The following APBB2 variants were observed in gnomAD, a reference collection of about 807,000 sequenced individuals.
The protein encoded by APBB2 is amyloid beta precursor protein binding family B member 2, also known as Fe65-like 1.
Under a neutral mutation model 82.5 loss-of-function variants are expected in APBB2, and 38 were observed. That is an observed-to-expected ratio of 0.46 (90% CI 0.36 to 0.60). The LOEUF (loss-of-function observed/expected upper bound fraction) is 0.60. Ranked by LOEUF, APBB2 falls within the 20% of genes least tolerant of loss-of-function variation. The pLI is 0.00. For missense variants in APBB2, 772 were observed against 972.3 expected, an observed-to-expected ratio of 0.79 and a Z score of 2.74; for synonymous variants, 341 against 368.2, an observed-to-expected ratio of 0.93 and a Z score of 0.85.
intron 3 of APBB2, among the ~76,000 whole-genome samples, chr4:41,080,370 A>G (rs1158344414): frequency 2.0e-5 from 3 of 152,236 alleles, no homozygotes; most frequent in African/African-American, 4.8e-5. Context: ...AAAGGGCTTC[A>G]TAAAGGAATC....
intron 1 of APBB2, among the ~76,000 whole-genome samples, chr4:41,198,208 C>T: frequency 3.9e-5 from 6 of 152,290 alleles, no homozygotes; most frequent in African/African-American, 1.2e-4. Flanking sequence ...AGGCTACACC[C>T]AGCTCTTGCC....
At chr4:40,964,474 G>A (rs1794103290) in intron 6 of APBB2, among the ~76,000 whole-genome samples, 1 of 151,872 alleles carries the variant, frequency 6.6e-6, no homozygotes, top group Admixed American at 6.6e-5. Flanking sequence ...TTCCCCAAAA[G>A]AAGTAAACGA....
At chr4:40,816,333 G>A in intron 17 of APBB2, 74 bp from the exon 18 acceptor site, 1 of 1,497,224 alleles carries the variant, frequency 6.7e-7, no homozygotes, top group Non-Finnish European at 9.2e-7. Context: ...TTTAAGTCAT[G>A]ACCCATAATA....
At chr4:40,979,181 G>T (rs537859573) in intron 6 of APBB2, among the ~76,000 whole-genome samples, 9 of 152,224 alleles carry the variant, frequency 5.9e-5, no homozygotes, top group Non-Finnish European at 1.0e-4. Context: ...TCTCAAAAAA[G>T]CTGTATAATA....
intron 12 of APBB2, among the ~76,000 whole-genome samples, chr4:40,858,208 TC>T (rs1466395238): frequency 6.6e-6 from 1 of 152,024 alleles, no homozygotes; most frequent in Non-Finnish European, 1.5e-5. Flanking sequence ...TAGCCACTAG[TC>T]ATATAAATAT....
At chr4:40,978,801 T>A (rs567583881) in intron 6 of APBB2, among the ~76,000 whole-genome samples, 1 of 152,178 alleles carries the variant, frequency 6.6e-6, no homozygotes, top group South Asian at 2.1e-4. Context: ...TCCATTTCAG[T>A]TAGTAACTAA....
At position 40,813,008 on chromosome 4, in the gene APBB2, C is replaced by A. The variant is rs887232840; in HGVS notation, c.*3084G>T. 5 of 152,172 alleles carry A rather than the reference C, an allele frequency of 3.3e-5. No homozygotes were observed. The highest frequency in any genetic ancestry group is 5.9e-5 in the Non-Finnish European group (4 of 68,032). The allele number at this position is 152,172 out of a possible 1,614,324, so 9.4% of individuals were successfully genotyped here. A position where few individuals can be genotyped will look rare whatever the true frequency, so the allele number is the denominator to read the frequency against. Reference sequence around the variant, plus strand: ...TTAGTCTGCAAAGGAAAGTTTTTAGCCATAGGCATGTTGGCTAGTCGTTCC... The same window carrying A: ...TTAGTCTGCAAAGGAAAGTTTTTAGACATAGGCATGTTGGCTAGTCGTTCC... On this transcript the variant is annotated 3_prime_UTR_variant, in exon 18 of 18. Transcript: ENST00000508593.
intron 12 of APBB2, among the ~76,000 whole-genome samples, chr4:40,862,305 T>C (rs1321951011): frequency 6.6e-6 from 1 of 152,254 alleles, no homozygotes; most frequent in East Asian, 1.9e-4. Flanking sequence ...AATACATAGA[T>C]ATGAATTTGA....
chr4:40,864,753 G>C (rs1763637105), intron 12 of APBB2, among the ~76,000 whole-genome samples: 1 of 151,836 alleles, frequency 6.6e-6, no homozygotes, highest in Admixed American at 6.6e-5. Flanking sequence ...CCACCCACCA[G>C]ATCTCTTCTT....
chr4:40,914,290 G>A (rs748410835), intron 10 of APBB2, among the ~76,000 whole-genome samples: 4 of 151,996 alleles, frequency 2.6e-5, no homozygotes, highest in Non-Finnish European at 2.9e-5. Context: ...GGAGAATGGC[G>A]TGAACCCGGG....
intron 6 of APBB2, among the ~76,000 whole-genome samples, chr4:41,008,715 G>A (rs185290758): frequency 1.2e-4 from 19 of 152,188 alleles, no homozygotes; most frequent in African/African-American, 3.6e-4. Flanking sequence ...AGATGCTCTC[G>A]CTTAATCTTC....
rs759482886 is a variant in APBB2, at chr4:40,822,039, T to C, written c.1944A>G (p.Glu648=). 6.2e-6 allele frequency: 10 copies of C among 1,614,026 alleles called. No homozygotes were observed. Among genetic ancestry groups the C allele is most frequent in the Non-Finnish European group, 8.5e-6 (10 of 1,180,028 alleles). ...ATCGCACACGACATTCCACTAAGAC[T>C]TCCTCTTCATTCTGCAAGAGACATT... is the stretch of plus-strand genomic sequence containing the variant. ...VTVISEKNEE[E]VLVECRVRFL... Residue 648 remains glutamate, a synonymous_variant, in exon 17 of 18, where the codon GAA becomes GAG. Transcript: ENST00000508593.
intron 12 of APBB2, chr4:40,857,136 C>G (rs748070): frequency 0.32 from 318,094 of 985,332 alleles, 51,614 homozygotes; most frequent in African/African-American, 0.4. Flanking sequence ...CAGCCGCGCG[C>G]ACTGCCCCGG....
At chr4:40,846,018 GTGT>G (rs1757499684) in intron 12 of APBB2, among the ~76,000 whole-genome samples, 423 of 3,212 alleles carry the variant, frequency 0.13, 6 homozygotes, top group African/African-American at 0.26. Flanking sequence ...TGAGTGGGGT[GTGT>G]GTGTGTGTGT....
chr4:40,812,616 T>C lies in APBB2; in HGVS notation c.*3476A>G, dbSNP rs1474738331. On this transcript the variant is annotated 3_prime_UTR_variant, in exon 18 of 18. Transcript: ENST00000508593. ...TAGGAAAATGCTTGTCATGTTGTGGTGAAATCTTGAGGAGTTTGTGTTGCA... is the reference window on the plus strand; with the variant it reads ...TAGGAAAATGCTTGTCATGTTGTGGCGAAATCTTGAGGAGTTTGTGTTGCA... The C allele has an allele frequency of 1.8e-5, 1 of 54,716 alleles. No homozygotes were observed. Among genetic ancestry groups the C allele is most frequent in the East Asian group, 2.7e-4 (1 of 3,758 alleles). The allele number at this position is 54,716 out of a possible 1,614,324, so 3.4% of individuals were successfully genotyped here. A position where few individuals can be genotyped will look rare whatever the true frequency, so the allele number is the denominator to read the frequency against.
intron 1 of APBB2, among the ~76,000 whole-genome samples, chr4:41,154,883 G>A (rs1763084217): frequency 6.6e-6 from 1 of 152,168 alleles, no homozygotes. Context: ...AACTCAATCA[G>A]AACCAAAAGG....
At chr4:40,885,758 T>C (rs4512037) in intron 12 of APBB2, among the ~76,000 whole-genome samples, 119,888 of 152,192 alleles carry the variant, frequency 0.79, 47,305 homozygotes, top group East Asian at 0.87. Context: ...AGTTTACTAA[T>C]GACAGCAATA....
rs1745132019 is a variant in APBB2, at chr4:40,814,608, AT to A, written c.*1483del. ...CATTTTGACAAGTACATAGCAGTGT[AT>A]AAACATAAAGCATTACTTTTATAAT... On this transcript the variant is annotated 3_prime_UTR_variant, in exon 18 of 18. Coordinates refer to ENST00000508593, the MANE Select transcript of APBB2 (RefSeq NM_004307.2). The A allele has an allele frequency of 6.6e-6, 1 of 152,262 alleles. No individual in the cohort carries two copies. Among genetic ancestry groups the A allele is most frequent in the Non-Finnish European group, 1.5e-5 (1 of 68,042 alleles). 9.4% of individuals were successfully genotyped at this position (152,262 alleles called of 1,614,324 possible). A position where few individuals can be genotyped will look rare whatever the true frequency, so the allele number is the denominator to read the frequency against.
chr4:40,845,751 A>G (rs995439679), intron 12 of APBB2, among the ~76,000 whole-genome samples: 13 of 152,010 alleles, frequency 8.6e-5, no homozygotes, highest in Admixed American at 8.5e-4. Context: ...CGAGGCAAGG[A>G]CTTGCCAGTA....
Sources: allele counts gnomAD v4.1 joint callset (sites outside exome capture counted in the v4.1 genomes callset), GRCh38; gene constraint gnomAD v4.1.1; transcripts MANE v1.5; gene names NCBI Gene and HGNC (gene_info 2026-07-23, HGNC 2026-07-21).